The following KIAA1328 variants were observed in gnomAD, a reference collection of about 807,000 sequenced individuals.
KIAA1328 encodes protein hinderin.
Under a neutral mutation model 68.1 loss-of-function variants are expected in KIAA1328, and 52 were observed. That is an observed-to-expected ratio of 0.76 (90% CI 0.61 to 0.96). KIAA1328 has a LOEUF of 0.96. Ranked by LOEUF, KIAA1328 falls within the 40% of genes least tolerant of loss-of-function variation. KIAA1328 has a pLI of 0.00. For synonymous variants in KIAA1328, 232 were observed against 239.4 expected, an observed-to-expected ratio of 0.97 and a Z score of 0.28; for missense variants, 641 against 677.6, an observed-to-expected ratio of 0.95 and a Z score of 0.60.
At chr18:36,975,734 A>G (rs1479666188) in intron 6 of KIAA1328, among the ~76,000 whole-genome samples, 8 of 152,308 alleles carry the variant, frequency 5.3e-5, no homozygotes, top group Non-Finnish European at 2.9e-5. Context: ...TTTATTATTC[A>G]GTGAATACTA....
rs1360722171 is a variant in KIAA1328 at position 36,885,600 on chromosome 18, G to C, written c.376G>C (p.Glu126Gln). ...AGTGACAGAGGAAAGACTGAAAGCT[G>C]AGCAGGAGTCATTTGAGAAGAAGAT... ...KEVTEERLKAEQESFEKKIRQ... is the reference protein window; with the variant it reads ...KEVTEERLKAQQESFEKKIRQ... The change falls in exon 5 of 10, where the codon GAG (glutamate) becomes CAG (glutamine). Residue 126 changes from glutamate to glutamine, a missense_variant. Transcript: ENST00000280020. 6.3e-6 allele frequency: 10 copies of C among 1,598,956 alleles called. No individual in the cohort carries two copies. The highest frequency in any genetic ancestry group is 1.3e-5 in the African/African-American group (1 of 74,096).
chr18:37,078,420 C>A (rs2056827225), intron 7 of KIAA1328, among the ~76,000 whole-genome samples: 1 of 151,910 alleles, frequency 6.6e-6, no homozygotes, highest in South Asian at 2.1e-4. Context: ...TAGGCATGGG[C>A]AAGGACTTCA....
At chr18:37,112,132 G>A (rs1173863551) in intron 7 of KIAA1328, among the ~76,000 whole-genome samples, 1 of 152,198 alleles carries the variant, frequency 6.6e-6, no homozygotes, top group Admixed American at 6.5e-5. Flanking sequence ...AGAAACTTCT[G>A]CAGACTTAAA....
chr18:36,969,349 C>A (rs1443547391), intron 6 of KIAA1328, among the ~76,000 whole-genome samples: 2 of 151,854 alleles, frequency 1.3e-5, no homozygotes. Flanking sequence ...AAGCCAGGAG[C>A]TGGTCTTTTG....
chr18:36,944,495 C>T (rs1568194932), intron 5 of KIAA1328, among the ~76,000 whole-genome samples: 1 of 152,070 alleles, frequency 6.6e-6, no homozygotes, highest in Non-Finnish European at 1.5e-5. Flanking sequence ...AGGAGAATGG[C>T]GTGAACCCGG....
At chr18:36,943,104 G>A (rs928712032) in intron 5 of KIAA1328, among the ~76,000 whole-genome samples, 9 of 152,138 alleles carry the variant, frequency 5.9e-5, no homozygotes, top group Non-Finnish European at 8.8e-5. Context: ...AATGTACCTG[G>A]GCAGAGTGCC....
intron 6 of KIAA1328, among the ~76,000 whole-genome samples, chr18:36,972,691 T>C (rs1463775579): frequency 6.6e-6 from 1 of 152,208 alleles, no homozygotes; most frequent in Non-Finnish European, 1.5e-5. Context: ...CATTGGTCTT[T>C]CATGGATAGG....
intron 6 of KIAA1328, chr18:37,063,505 C>T: frequency 3.9e-6 from 1 of 255,022 alleles, no homozygotes. Context: ...GGATTTATAT[C>T]CTGTCATATT....
At chr18:37,201,345 A>C (rs2060110590) in intron 9 of KIAA1328, among the ~76,000 whole-genome samples, 1 of 152,218 alleles carries the variant, frequency 6.6e-6, no homozygotes, top group Admixed American at 6.5e-5. Context: ...GAAAATTTAA[A>C]TCAGGTTCTT....
chr18:37,059,631 C>T (rs1007116332), intron 6 of KIAA1328, among the ~76,000 whole-genome samples: 4 of 152,260 alleles, frequency 2.6e-5, no homozygotes, highest in African/African-American at 4.8e-5. Context: ...GACAGTGTGG[C>T]GATTCCTCAA....
chr18:36,930,485 T>C (rs2050271611), intron 5 of KIAA1328, among the ~76,000 whole-genome samples: 1 of 152,166 alleles, frequency 6.6e-6, no homozygotes, highest in Non-Finnish European at 1.5e-5. Flanking sequence ...CATATTTTTA[T>C]AGGTGAGTTA....
chr18:37,079,406 A>C (rs900730978), intron 7 of KIAA1328, among the ~76,000 whole-genome samples: 7 of 142,866 alleles, frequency 4.9e-5, no homozygotes, highest in African/African-American at 2.0e-4. Flanking sequence ...GGTGCAGCAC[A>C]CCAGCATGGC....
chr18:36,976,609 CAG>C (rs973357237), intron 6 of KIAA1328, among the ~76,000 whole-genome samples: 1 of 151,872 alleles, frequency 6.6e-6, no homozygotes, highest in African/African-American at 2.4e-5. Flanking sequence ...GATGAGAAAA[CAG>C]TGTAATATTT....
chr18:37,204,828 T>TA (rs1218339521), intron 9 of KIAA1328, among the ~76,000 whole-genome samples: 5 of 150,988 alleles, frequency 3.3e-5, no homozygotes, highest in African/African-American at 9.7e-5. Flanking sequence ...GAAAGGCCTT[T>TA]AAAAAAAAGT....
At chr18:36,877,297 G>A (rs2048161504) in intron 4 of KIAA1328, among the ~76,000 whole-genome samples, 1 of 152,072 alleles carries the variant, frequency 6.6e-6, no homozygotes, top group Admixed American at 6.5e-5. Context: ...TTATTATTGT[G>A]TGGGAGTCTA....
chr18:37,186,274 T>C (rs967778121), intron 9 of KIAA1328, among the ~76,000 whole-genome samples: 1 of 151,796 alleles, frequency 6.6e-6, no homozygotes, highest in Non-Finnish European at 1.5e-5. Flanking sequence ...TTTTTGTCTT[T>C]GTAAGCATAA....
rs566922565 is a variant in KIAA1328 at position 36,835,489 on chromosome 18, A to G, written c.237+113A>G. On this transcript the variant is annotated intron_variant, in intron 3 of 9. Coordinates refer to ENST00000280020, the MANE Select transcript of KIAA1328 (RefSeq NM_020776.3). ...ACTAGGTGATCAACAAACATTCTTA[A>G]AAGATACAGAGGATTCCAGGATCCT... 4.9e-6 allele frequency: 5 copies of G among 1,016,430 alleles called. No homozygotes were observed. In the South Asian group the frequency reaches 9.2e-5, roughly 19 times the overall value. 63.0% of individuals were successfully genotyped at this position (1,016,430 alleles called of 1,614,324 possible). A position where few individuals can be genotyped will look rare whatever the true frequency, so the allele number is the denominator to read the frequency against.
intron 6 of KIAA1328, among the ~76,000 whole-genome samples, chr18:36,984,904 C>CAAAA (rs56357519): frequency 2.5e-5 from 2 of 80,730 alleles, no homozygotes; most frequent in African/African-American, 4.9e-5. Context: ...GACTCCATCT[C>CAAAA]AAAAAAAAAA....
intron 5 of KIAA1328, among the ~76,000 whole-genome samples, chr18:36,957,411 A>G (rs181091210): frequency 2.0e-5 from 3 of 152,240 alleles, no homozygotes; most frequent in Admixed American, 6.5e-5. Context: ...AATGAGAAAT[A>G]AGGAACAGAG....
Sources: allele counts gnomAD v4.1 joint callset (sites outside exome capture counted in the v4.1 genomes callset), GRCh38; gene constraint gnomAD v4.1.1; transcripts MANE v1.5; gene names NCBI Gene and HGNC (gene_info 2026-07-23, HGNC 2026-07-21).